Variants in B3GALT1 observed in about 807,000 individuals in gnomAD.
The protein encoded by B3GALT1 is UDP-Gal:betaGlcNAc beta 1,3-galactosyltransferase, polypeptide 1.
A neutral mutation model predicts 23.2 loss-of-function variants in B3GALT1; 10 were observed. The ratio of observed to expected loss-of-function variants is 0.43; its 90% confidence interval spans 0.27 to 0.73. B3GALT1 has a LOEUF of 0.73. Ranked by LOEUF, B3GALT1 falls within the 30% of genes least tolerant of loss-of-function variation. B3GALT1 has a pLI of 0.21. For synonymous variants in B3GALT1, 156 were observed against 141.5 expected (o/e 1.10, Z -0.73); for missense variants, 299 against 405.4 (o/e 0.74, Z 2.25).
intron 2 of B3GALT1, among the ~76,000 whole-genome samples, chr2:167,527,670 CAT>C (rs1352666328): frequency 2.0e-5 from 3 of 152,084 alleles, no homozygotes; most frequent in Non-Finnish European, 2.9e-5. Flanking sequence ...TTTTTCATAA[CAT>C]AATAATCGTG....
intron 2 of B3GALT1, among the ~76,000 whole-genome samples, chr2:167,499,712 T>C (rs1322359356): frequency 6.6e-6 from 1 of 152,092 alleles, no homozygotes; most frequent in Non-Finnish European, 1.5e-5. Context: ...CCATAAGATG[T>C]ATGCTTGATA....
chr2:167,525,853 T>G (rs1683211238), intron 2 of B3GALT1, among the ~76,000 whole-genome samples: 1 of 151,828 alleles, frequency 6.6e-6, no homozygotes, highest in South Asian at 2.1e-4. Context: ...AGCTTAAGTC[T>G]TAAGTGATCC....
Position 167,752,714 on chromosome 2 carries a change from A to C in B3GALT1, c.-351-65958A>C, listed in dbSNP as rs565881706. ...ATCTCCTAGGTGAACAAAGCTCCGAAAAGGAAAAAACAAAAAGTCTCAACT... is the reference window on the plus strand; with the variant it reads ...ATCTCCTAGGTGAACAAAGCTCCGACAAGGAAAAAACAAAAAGTCTCAACT... On this transcript the variant is annotated intron_variant, in intron 3 of 4. Transcript: ENST00000392690. Among the ~76,000 whole-genome samples the C allele has an allele frequency of 2.7e-4, 41 of 152,186 alleles. No individual in the cohort carries two copies. The South Asian group carries it at 8.5e-3, about 32-fold the overall frequency.
At chr2:167,500,242 A>G (rs17564763) in intron 2 of B3GALT1, among the ~76,000 whole-genome samples, 1,827 of 152,294 alleles carry the variant, frequency 0.012, 16 homozygotes, top group Middle Eastern at 0.02. Flanking sequence ...ATTGAAAACC[A>G]GATGGGCTTA....
At chr2:167,733,309 T>C (rs973750459) in intron 3 of B3GALT1, among the ~76,000 whole-genome samples, 6 of 152,174 alleles carry the variant, frequency 3.9e-5, no homozygotes, top group African/African-American at 1.4e-4. Context: ...TTTGTTTAAA[T>C]CAAGCTTGTC....
At chr2:167,833,558 G>T (rs1009833506) in intron 4 of B3GALT1, among the ~76,000 whole-genome samples, 1 of 152,144 alleles carries the variant, frequency 6.6e-6, no homozygotes, top group South Asian at 2.1e-4. Flanking sequence ...ATTGAAAAAT[G>T]ACACTGGGCA....
In B3GALT1 at chr2:167,293,211, G is replaced by C. The variant is rs1559057416; in HGVS notation, c.-634G>C. On this transcript the variant is annotated 5_prime_UTR_variant, in exon 1 of 5. Transcript: ENST00000392690. The stretch of plus-strand genomic sequence containing the variant: ...AGCACGAGGAGGCGGGGGCGGCAGA[G>C]AAGTGATGCTGGCGCCGGGGATCGG... The C allele has an allele frequency of 6.6e-6, 1 of 152,038 alleles. No homozygotes were observed. Among genetic ancestry groups the C allele is most frequent in the African/African-American group, 2.4e-5 (1 of 41,440 alleles). The allele number at this position is 152,038 out of a possible 1,614,324, so 9.4% of individuals were successfully genotyped here. A position where few individuals can be genotyped will look rare whatever the true frequency, so the allele number is the denominator to read the frequency against.
chr2:167,776,652 A>G (rs1688167557), intron 3 of B3GALT1, among the ~76,000 whole-genome samples: 1 of 152,222 alleles, frequency 6.6e-6, no homozygotes, highest in African/African-American at 2.4e-5. Flanking sequence ...TTTGGCAAAC[A>G]TGTCATAAGA....
At chr2:167,804,186 C>T (rs1374340140) in intron 3 of B3GALT1, among the ~76,000 whole-genome samples, 7 of 152,236 alleles carry the variant, frequency 4.6e-5, no homozygotes, top group Admixed American at 2.6e-4. Context: ...GACGAGATTT[C>T]ACCACGTTGC....
chr2:167,805,555 G>A (rs10198994), intron 3 of B3GALT1, among the ~76,000 whole-genome samples: 67,694 of 151,402 alleles, frequency 0.45, 17,397 homozygotes, highest in African/African-American at 0.7. Flanking sequence ...TGGCTAGCCA[G>A]TTTTCCCAGC....
At chr2:167,307,282 C>T (rs950284818) in intron 1 of B3GALT1, among the ~76,000 whole-genome samples, 21 of 151,984 alleles carry the variant, frequency 1.4e-4, no homozygotes, top group African/African-American at 5.1e-4. Context: ...AATGTGGTAA[C>T]ATTATCTCTC....
chr2:167,320,757 A>G (rs1341943093), intron 1 of B3GALT1, among the ~76,000 whole-genome samples: 1 of 152,102 alleles, frequency 6.6e-6, no homozygotes, highest in East Asian at 1.9e-4. Flanking sequence ...AATGAATTGG[A>G]AACATTTAAC....
chr2:167,469,942 G>C (rs1439419244), intron 1 of B3GALT1, among the ~76,000 whole-genome samples: 3 of 152,044 alleles, frequency 2.0e-5, no homozygotes, highest in African/African-American at 7.2e-5. Flanking sequence ...AATTTTTTAG[G>C]ACCTGAAAGA....
At chr2:167,664,237 G>C (rs961195627) in intron 3 of B3GALT1, among the ~76,000 whole-genome samples, 5 of 151,012 alleles carry the variant, frequency 3.3e-5, no homozygotes, top group South Asian at 2.1e-4. Flanking sequence ...CCCATTGCTT[G>C]TTTTTCTCAG....
At chr2:167,801,682 T>G (rs1484868885) in intron 3 of B3GALT1, among the ~76,000 whole-genome samples, 1 of 152,226 alleles carries the variant, frequency 6.6e-6, no homozygotes, top group Non-Finnish European at 1.5e-5. Flanking sequence ...CATTAAATTT[T>G]CTGAAGGACA....
chr2:167,422,800 A>G (rs1698568017), intron 1 of B3GALT1, among the ~76,000 whole-genome samples: 1 of 152,096 alleles, frequency 6.6e-6, no homozygotes, highest in African/African-American at 2.4e-5. Context: ...CCTGAGCCTT[A>G]TGTGGACTCC....
At chr2:167,629,140 T>C (rs1685396088) in intron 2 of B3GALT1, among the ~76,000 whole-genome samples, 1 of 151,572 alleles carries the variant, frequency 6.6e-6, no homozygotes, top group Non-Finnish European at 1.5e-5. Context: ...AAATGGCTTT[T>C]CAGATATTGT....
chr2:167,543,454 G>T (rs1393800354), intron 2 of B3GALT1, among the ~76,000 whole-genome samples: 1 of 152,134 alleles, frequency 6.6e-6, no homozygotes, highest in African/African-American at 2.4e-5. Flanking sequence ...TATAAGGTAT[G>T]CTGGGATGGG....
chr2:167,556,533 G>A (rs1238878153), intron 2 of B3GALT1, among the ~76,000 whole-genome samples: 3 of 152,090 alleles, frequency 2.0e-5, no homozygotes, highest in Admixed American at 2.0e-4. Flanking sequence ...AAATTCTGCT[G>A]TTTTTAAAAC....
Sources: gnomAD v4.1 joint callset for allele counts (sites outside exome capture counted in the v4.1 genomes callset) on GRCh38, gnomAD v4.1.1 for gene constraint, MANE v1.5 for transcripts, NCBI Gene and HGNC (gene_info 2026-07-23, HGNC 2026-07-21) for gene names.